NELL1: variants seen among roughly 807,000 people sequenced by gnomAD.
The protein encoded by NELL1 is neural EGFL like 1.
A neutral mutation model predicts 107.4 loss-of-function variants in NELL1; 76 were observed. The ratio of observed to expected loss-of-function variants is 0.71; its 90% CI spans 0.59 to 0.86. The LOEUF is 0.86. Among genes scored for constraint, NELL1 ranks in the 40% least tolerant of loss-of-function variants. NELL1 has a pLI of 0.00. For missense variants in NELL1, 1,024 were observed against 1,005.5 expected (o/e 1.02, Z -0.25); for synonymous variants, 353 against 341.2 (o/e 1.03, Z -0.38).
chr11:21,162,670 T>C (rs1261788338), intron 13 of NELL1, among the ~76,000 whole-genome samples: 1 of 152,168 alleles, frequency 6.6e-6, no homozygotes, highest in Non-Finnish European at 1.5e-5. Context: ...TTCAAGATCT[T>C]CAACCTGTTA....
intron 7 of NELL1, among the ~76,000 whole-genome samples, chr11:20,919,997 T>A (rs750890433): frequency 2.0e-5 from 3 of 152,166 alleles, no homozygotes; most frequent in Non-Finnish European, 4.4e-5. Flanking sequence ...CTACCCTAGA[T>A]ATGTTCATAC....
At chr11:21,178,045 T>A (rs760385197) in intron 13 of NELL1, among the ~76,000 whole-genome samples, 7 of 151,910 alleles carry the variant, frequency 4.6e-5, no homozygotes, top group Non-Finnish European at 8.8e-5. Context: ...AATTTGTACA[T>A]ATTTTTCTCC....
At chr11:21,236,355 C>G (rs1431277509) in intron 14 of NELL1, among the ~76,000 whole-genome samples, 1 of 152,122 alleles carries the variant, frequency 6.6e-6, no homozygotes, top group Non-Finnish European at 1.5e-5. Context: ...GAGAATTGAC[C>G]AGTTGATTTA....
At chr11:20,918,431 A>G (rs369878677) in intron 6 of NELL1, among the ~76,000 whole-genome samples, 177 bp downstream of exon 6, 2 of 151,958 alleles carry the variant, frequency 1.3e-5, no homozygotes, top group African/African-American at 4.8e-5. Context: ...AAAAATATGT[A>G]TCATTTATTG....
chr11:20,691,856 A>G (rs1854475850), intron 2 of NELL1, among the ~76,000 whole-genome samples: 2 of 152,146 alleles, frequency 1.3e-5, no homozygotes, highest in African/African-American at 4.8e-5. Context: ...TTCAGAAGGA[A>G]TGGTACCAGT....
intron 15 of NELL1, among the ~76,000 whole-genome samples, chr11:21,528,336 G>A (rs140672432): frequency 6.2e-4 from 95 of 152,216 alleles, no homozygotes; most frequent in Non-Finnish European, 1.1e-3. Context: ...TAGGAGGGGG[G>A]CCGAGTAGGA....
At chr11:21,497,344 G>C (rs912081873) in intron 15 of NELL1, among the ~76,000 whole-genome samples, 3 of 152,144 alleles carry the variant, frequency 2.0e-5, no homozygotes, top group Admixed American at 6.5e-5. Context: ...ACCAAATATT[G>C]TCATTTCAGT....
chr11:21,451,915 T>C (rs1853597493), intron 15 of NELL1, among the ~76,000 whole-genome samples: 1 of 152,168 alleles, frequency 6.6e-6, no homozygotes, highest in Non-Finnish European at 1.5e-5. Flanking sequence ...CCTGGGAATC[T>C]AGTACATCAT....
At chr11:21,128,868 C>T (rs1021185055) in intron 13 of NELL1, among the ~76,000 whole-genome samples, 1 of 152,188 alleles carries the variant, frequency 6.6e-6, no homozygotes, top group East Asian at 1.9e-4. Flanking sequence ...CAGGTTGGAA[C>T]AGCTTACAGC....
At chr11:21,196,907 T>C (rs1049489500) in intron 13 of NELL1, among the ~76,000 whole-genome samples, 6 of 150,430 alleles carry the variant, frequency 4.0e-5, no homozygotes, top group Non-Finnish European at 8.9e-5. Flanking sequence ...TTTCTCACTC[T>C]GTTGCCCAAG....
At chr11:21,401,268 CTT>C (rs746048528) in intron 15 of NELL1, among the ~76,000 whole-genome samples, 11 of 151,662 alleles carry the variant, frequency 7.3e-5, no homozygotes, top group Non-Finnish European at 1.6e-4. Flanking sequence ...AAATATATAT[CTT>C]GGTGATATAA....
chr11:20,689,216 T>C (rs1055499606), intron 2 of NELL1, among the ~76,000 whole-genome samples: 8 of 152,072 alleles, frequency 5.3e-5, no homozygotes, highest in Non-Finnish European at 1.2e-4. Flanking sequence ...TTTCTCTCAT[T>C]GTGTATGCTG....
chr11:21,364,523 A>AAAAAC (rs748056622), intron 14 of NELL1, among the ~76,000 whole-genome samples: 28 of 152,078 alleles, frequency 1.8e-4, no homozygotes, highest in Non-Finnish European at 2.8e-4. Context: ...AGTGGATTGC[A>AAAAAC]AAAACAAGTC....
chr11:20,948,976 C>T (rs992661879), intron 11 of NELL1, among the ~76,000 whole-genome samples: 3 of 151,708 alleles, frequency 2.0e-5, no homozygotes, highest in African/African-American at 7.3e-5. Context: ...TTTTCTGTAG[C>T]AGAGGGGTGG....
rs181160982 is a variant in NELL1, at chr11:21,066,702, C to T, written c.1301-46887C>T. ...TGGTGGCTCATGACTGTAATCTCAG[C>T]ACTTTGGGAGGCTGAGGTGGGCAGA... On this transcript the variant is annotated intron_variant, in intron 12 of 19. Coordinates refer to ENST00000357134, the MANE Select transcript of NELL1 (RefSeq NM_006157.5). Among the ~76,000 whole-genome samples the T allele has an allele frequency of 4.5e-3, 692 of 152,166 alleles. 9 individuals carry two copies. The highest frequency in any genetic ancestry group is 0.016 in the African/African-American group (653 of 41,516).
intron 12 of NELL1, among the ~76,000 whole-genome samples, chr11:20,998,172 C>A (rs772967470): frequency 6.6e-6 from 1 of 151,984 alleles, no homozygotes; most frequent in Non-Finnish European, 1.5e-5. Flanking sequence ...GAAAAACTCT[C>A]ATATTTCTTT....
chr11:21,560,618 C>A (rs546055504), intron 17 of NELL1, among the ~76,000 whole-genome samples: 1 of 151,998 alleles, frequency 6.6e-6, no homozygotes. Flanking sequence ...GCAGGGAAGG[C>A]GAAGCAGGGT....
chr11:21,527,194 T>C (rs913360319), intron 15 of NELL1, among the ~76,000 whole-genome samples: 2 of 152,196 alleles, frequency 1.3e-5, no homozygotes, highest in Non-Finnish European at 2.9e-5. Flanking sequence ...GTAGCAAAAG[T>C]GACCTTTAAT....
At chr11:20,902,629 C>A (rs930797953) in intron 5 of NELL1, among the ~76,000 whole-genome samples, 3 of 151,902 alleles carry the variant, frequency 2.0e-5, no homozygotes, top group Non-Finnish European at 2.9e-5. Flanking sequence ...GTTGAAGAAA[C>A]TCTTGGTCAT....
Sources: allele counts gnomAD v4.1 joint callset (sites outside exome capture counted in the v4.1 genomes callset), GRCh38; gene constraint gnomAD v4.1.1; transcripts MANE v1.5; gene names NCBI Gene and HGNC (gene_info 2026-07-23, HGNC 2026-07-21).